Variants in RPP30 observed in about 807,000 individuals in gnomAD.
RPP30 encodes ribonuclease P protein subunit p30.
A neutral mutation model predicts 38.6 loss-of-function variants in RPP30; 36 were observed. That is an observed-to-expected ratio of 0.93 (90% CI 0.71 to 1.23). The LOEUF (loss-of-function observed/expected upper bound fraction) is 1.23, where lower values mean the gene tolerates loss of function less well. Ranked by LOEUF, RPP30 falls within the 50% of genes most tolerant of loss-of-function variation. The probability of loss-of-function intolerance (pLI) is 0.00; values close to 1 mark genes in which losing one functional copy is unlikely to be tolerated. For synonymous variants in RPP30, 126 were observed against 112.7 expected (o/e 1.12, Z -0.75); for missense variants, 321 against 321.7 (o/e 1.00, Z 0.02).
At position 90,900,845 on chromosome 10, in the gene RPP30, C is replaced by A; in HGVS notation, c.*166C>A. 2 of 1,303,772 alleles carry A rather than the reference C, an allele frequency of 1.5e-6. No homozygotes were observed. Among genetic ancestry groups the A allele is most frequent in the Non-Finnish European group, 9.7e-7 (1 of 1,027,938 alleles). The allele number at this position is 1,303,772 out of a possible 1,614,324, so 80.8% of individuals were successfully genotyped here. On this transcript the variant is annotated 3_prime_UTR_variant, in exon 11 of 11. Transcript: ENST00000371703. The stretch of plus-strand genomic sequence containing the variant: ...AATCCATTAAAACAACAAACGAAAC[C>A]TAGTGAAGCATCTTTTTAAAAGGCT...
intron 5 of RPP30, among the ~76,000 whole-genome samples, chr10:90,879,887 A>G (rs1178296858): frequency 1.3e-5 from 2 of 152,196 alleles, no homozygotes; most frequent in Non-Finnish European, 2.9e-5. Context: ...AGTTACCTTT[A>G]TCTAGGTTCA....
intron 1 of RPP30, among the ~76,000 whole-genome samples, chr10:90,872,889 GT>G (rs1326331899): frequency 6.6e-6 from 1 of 152,112 alleles, no homozygotes; most frequent in Non-Finnish European, 1.5e-5. Flanking sequence ...CGAAATGACT[GT>G]CCCTTTCCAC....
intron 6 of RPP30, among the ~76,000 whole-genome samples, chr10:90,886,909 TAAGA>T (rs1489607221): frequency 1.3e-5 from 2 of 152,090 alleles, no homozygotes; most frequent in Non-Finnish European, 1.5e-5. Flanking sequence ...AGGGAGACAG[TAAGA>T]GGAGAAAATG....
intron 5 of RPP30, among the ~76,000 whole-genome samples, chr10:90,882,543 G>T (rs1485532679): frequency 6.6e-6 from 1 of 152,110 alleles, no homozygotes; most frequent in Admixed American, 6.5e-5. Flanking sequence ...GGCACCTGTA[G>T]TCCCAGCTAC....
rs754754213 is a variant in RPP30, at chr10:90,900,587, T to C, written c.715T>C (p.Phe239Leu). 13 of 1,611,126 alleles carry C rather than the reference T, an allele frequency of 8.1e-6. No homozygotes were observed. The highest frequency in any genetic ancestry group is 1.6e-4 in the Middle Eastern group (1 of 6,078). The change falls in exon 11 of 11, where the codon TTT (phenylalanine) becomes CTT (leucine). Residue 239 changes from phenylalanine (F) to leucine (L), a missense_variant. Transcript: ENST00000371703. ...TTTTACAGAAACTAGAAAAACTGCTTTTGGAATTATCTCTACAGTGAAGAA... is the reference window on the plus strand; with the variant it reads ...TTTTACAGAAACTAGAAAAACTGCTCTTGGAATTATCTCTACAGTGAAGAA... ...LLHGETRKTAFGIISTVKKPR... is the reference protein window; with the variant it reads ...LLHGETRKTALGIISTVKKPR...
intron 6 of RPP30, among the ~76,000 whole-genome samples, chr10:90,891,903 C>T (rs1301977752): frequency 6.6e-6 from 1 of 152,120 alleles, no homozygotes; most frequent in Non-Finnish European, 1.5e-5. Context: ...GGACAAATTA[C>T]CTGTCTTAAA....
At chr10:90,877,620 C>CAAA (rs763564852) in intron 4 of RPP30, among the ~76,000 whole-genome samples, 1 of 134,590 alleles carries the variant, frequency 7.4e-6, no homozygotes, top group Admixed American at 7.5e-5. Flanking sequence ...AGCAGACAGG[C>CAAA]AAAAAAAAAA....
chr10:90,872,164 G>A (rs1176784877), intron 1 of RPP30, 96 bp downstream of exon 1: 3 of 1,011,464 alleles, frequency 3.0e-6, no homozygotes, highest in African/African-American at 3.2e-5. Flanking sequence ...TCTCGGTCAG[G>A]TCTCCCAGAG....
chr10:90,895,771 A>G (rs1222696530), intron 8 of RPP30, 109 bp from the exon 9 acceptor site: 3 of 801,474 alleles, frequency 3.7e-6, no homozygotes, highest in African/African-American at 3.7e-5. Flanking sequence ...ACTTAAATTT[A>G]TGTAATTTTT....
At chr10:90,880,039 T>G (rs537506485) in intron 5 of RPP30, 2 of 152,254 alleles carry the variant, frequency 1.3e-5, no homozygotes, top group Non-Finnish European at 2.9e-5. Context: ...GATTTTTTTT[T>G]TAAAGACTAG....
intron 7 of RPP30, 158 bp downstream of exon 7, chr10:90,895,049 A>G (rs1274495481): frequency 1.4e-6 from 1 of 716,294 alleles, no homozygotes; most frequent in Admixed American, 1.9e-5. Context: ...ATTTTAAGGG[A>G]AAGAAAAATA....
At chr10:90,876,388 T>TAATA (rs1846852773) in intron 4 of RPP30, among the ~76,000 whole-genome samples, 1 of 152,204 alleles carries the variant, frequency 6.6e-6, no homozygotes, top group African/African-American at 2.4e-5. Context: ...TTGCCATGAA[T>TAATA]AATAGCACAA....
intron 7 of RPP30, chr10:90,895,164 T>C (rs913674790): frequency 1.1e-4 from 60 of 538,622 alleles, no homozygotes; most frequent in South Asian, 1.0e-3. Context: ...AGAATAACAA[T>C]GGTCCTCACT....
intron 5 of RPP30, among the ~76,000 whole-genome samples, chr10:90,881,307 T>C (rs1370848240): frequency 6.6e-6 from 1 of 152,250 alleles, no homozygotes; most frequent in Non-Finnish European, 1.5e-5. Flanking sequence ...AGATTCAGGC[T>C]GAGTGATTTG....
intron 1 of RPP30, among the ~76,000 whole-genome samples, chr10:90,873,092 A>T (rs995924145): frequency 9.2e-5 from 14 of 152,198 alleles, no homozygotes; most frequent in African/African-American, 3.4e-4. Flanking sequence ...TTTTTGAATA[A>T]ATCATGAGCT....
chr10:90,893,024 T>G (rs1158235680), intron 6 of RPP30, among the ~76,000 whole-genome samples: 2 of 152,178 alleles, frequency 1.3e-5, no homozygotes, highest in Non-Finnish European at 2.9e-5. Flanking sequence ...ACAAATGTCA[T>G]TCCCAGAAAT....
intron 4 of RPP30, 125 bp downstream of exon 4, chr10:90,876,223 GC>G: frequency 1.6e-6 from 1 of 618,756 alleles, no homozygotes; most frequent in Non-Finnish European, 2.9e-6. Flanking sequence ...CATGACACCT[GC>G]TTGCTCTCCT....
At chr10:90,876,699 C>T (rs956097173) in intron 4 of RPP30, among the ~76,000 whole-genome samples, 2 of 152,170 alleles carry the variant, frequency 1.3e-5, no homozygotes, top group African/African-American at 2.4e-5. Flanking sequence ...CCTAGTGAGC[C>T]GGTTACATGG....
downstream of RPP30, chr10:90,905,246 A>G (rs1052970771): frequency 1.4e-4 from 22 of 152,016 alleles, no homozygotes; most frequent in Non-Finnish European, 1.5e-5. Context: ...TGGTGTACCT[A>G]TATTGCCAGT....
Sources: gnomAD v4.1 joint callset for allele counts (sites outside exome capture counted in the v4.1 genomes callset) on GRCh38, gnomAD v4.1.1 for gene constraint, MANE v1.5 for transcripts, NCBI Gene and HGNC (gene_info 2026-07-23, HGNC 2026-07-21) for gene names.